GSE1: variants seen among roughly 807,000 people sequenced by gnomAD.
The protein encoded by GSE1 is Gse1 coiled-coil protein, also known as genetic suppressor element 1.
Under a neutral mutation model 112.6 loss-of-function variants are expected in GSE1, and 32 were observed. The observed-to-expected ratio is 0.28, with a 90% confidence interval of 0.21 to 0.38. The LOEUF is 0.38. Among genes scored for constraint, GSE1 ranks in the 10% least tolerant of loss-of-function variants. The pLI is 1.00. For synonymous variants in GSE1, 1,115 were observed against 735.6 expected, an observed-to-expected ratio of 1.52 and a Z score of -8.35; for missense variants, 2,348 against 1,699.2, an observed-to-expected ratio of 1.38 and a Z score of -6.71.
At chr16:85,181,033 A>G (rs1267775251) in intron 1 of GSE1, among the ~76,000 whole-genome samples, 4 of 152,224 alleles carry the variant, frequency 2.6e-5, no homozygotes, top group Non-Finnish European at 5.9e-5. Flanking sequence ...TAGAAAGAAC[A>G]TGTGTTTCAT....
intron 2 of GSE1, among the ~76,000 whole-genome samples, chr16:85,541,507 G>A (rs540514082): frequency 6.6e-6 from 1 of 152,236 alleles, no homozygotes; most frequent in Admixed American, 6.5e-5. Context: ...TGGTGGGAAA[G>A]TCTCACCTGG....
At chr16:85,241,948 C>T (rs144660440) in intron 1 of GSE1, among the ~76,000 whole-genome samples, 1 of 152,034 alleles carries the variant, frequency 6.6e-6, no homozygotes, top group African/African-American at 2.4e-5. Context: ...GCTGGCCCCT[C>T]CGAAGCTGCT....
chr16:85,289,405 G>A (rs559161569), intron 1 of GSE1, among the ~76,000 whole-genome samples: 1 of 152,154 alleles, frequency 6.6e-6, no homozygotes, highest in African/African-American at 2.4e-5. Context: ...TGACACACTC[G>A]TGTCCAGGCC....
intron 2 of GSE1, among the ~76,000 whole-genome samples, chr16:85,420,176 C>T (rs534138257): frequency 1.3e-5 from 2 of 152,196 alleles, no homozygotes; most frequent in African/African-American, 2.4e-5. Flanking sequence ...TGCTTGAAGC[C>T]AGGAGTTCGA....
chr16:85,481,931 C>T (rs16975639), intron 2 of GSE1, among the ~76,000 whole-genome samples: 4,542 of 152,328 alleles, frequency 0.03, 223 homozygotes, highest in African/African-American at 0.1. Flanking sequence ...TCTCAGCCGC[C>T]GACGGACCAT....
intron 1 of GSE1, among the ~76,000 whole-genome samples, chr16:85,353,561 C>T (rs1409959804): frequency 1.3e-5 from 2 of 152,198 alleles, no homozygotes; most frequent in Admixed American, 6.5e-5. Context: ...AAGCCAGAAG[C>T]GATTGCATCC....
At position 85,606,194 on chromosome 16, in the gene GSE1, C is replaced by T. The variant is rs543209636; in HGVS notation, c.38-42358C>T. Among the ~76,000 whole-genome samples the T allele has an allele frequency of 3.9e-5, 6 of 152,294 alleles. No homozygotes were observed. In the East Asian group the frequency reaches 1.2e-3, roughly 29 times the overall value. On this transcript the variant is annotated intron_variant, in intron 1 of 2. Transcript: ENST00000635906. The stretch of plus-strand genomic sequence containing the variant: ...TTATAAAAGCCTGCTAAAATCAGAC[C>T]ACTCCGGAACACATGCTCTCCCGGC...
In GSE1 at chr16:85,637,261, C is replaced by T. The variant is rs146669948; in HGVS notation, c.226+3129C>T. Among the ~76,000 whole-genome samples, 293 of 152,324 alleles carry T rather than the reference C, an allele frequency of 1.9e-3. 8 individuals are homozygous for T. The East Asian group carries it at 0.049, about 26-fold the overall frequency. ...TGGGCATTTTGTACACATGGGCTGGCGCGGTGCGTGTCTGGACCCTGAGCG... is the reference window on the plus strand; with the variant it reads ...TGGGCATTTTGTACACATGGGCTGGTGCGGTGCGTGTCTGGACCCTGAGCG... On this transcript the variant is annotated intron_variant, in intron 2 of 15. Transcript: ENST00000253458.
chr16:85,372,801 G>A (rs2047330885), intron 2 of GSE1, among the ~76,000 whole-genome samples: 2 of 152,100 alleles, frequency 1.3e-5, no homozygotes, highest in South Asian at 2.1e-4. Context: ...ACCCTCGGTG[G>A]GCACCAGTTC....
intron 2 of GSE1, among the ~76,000 whole-genome samples, chr16:85,358,515 G>A (rs118014333): frequency 2.0e-5 from 3 of 152,226 alleles, no homozygotes; most frequent in East Asian, 3.9e-4. Flanking sequence ...AGGGCAGTGG[G>A]TCCAAAGCAC....
At chr16:85,626,041 G>A (rs1297364107) in intron 1 of GSE1, among the ~76,000 whole-genome samples, 1 of 152,130 alleles carries the variant, frequency 6.6e-6, no homozygotes, top group Non-Finnish European at 1.5e-5. Context: ...CTTTGCCTTA[G>A]CCATGAGTGA....
chr16:85,591,195 G>A (rs1301300740), intron 1 of GSE1, among the ~76,000 whole-genome samples: 2 of 152,230 alleles, frequency 1.3e-5, no homozygotes, highest in Non-Finnish European at 2.9e-5. Flanking sequence ...CGGATCCAGA[G>A]AACAGCGCCT....
intron 2 of GSE1, among the ~76,000 whole-genome samples, chr16:85,536,544 G>A (rs928554833): frequency 1.3e-5 from 2 of 152,176 alleles, no homozygotes; most frequent in Admixed American, 6.5e-5. Context: ...CACGGATAAC[G>A]GAGGGCTGGG....
intron 2 of GSE1, among the ~76,000 whole-genome samples, chr16:85,454,004 T>A (rs1334194974): frequency 1.3e-5 from 2 of 152,060 alleles, no homozygotes; most frequent in East Asian, 1.9e-4. Flanking sequence ...TGGGGGCGAT[T>A]CCACCCCCGC....
intron 1 of GSE1, chr16:85,581,914 C>T (rs2046464494): frequency 6.6e-6 from 1 of 152,176 alleles, no homozygotes; most frequent in African/African-American, 2.4e-5. Context: ...CCAGCAAATC[C>T]CAGCCAGAGG....
chr16:85,426,064 T>TGGAA (rs2048974225), intron 2 of GSE1, among the ~76,000 whole-genome samples: 1 of 135,336 alleles, frequency 7.4e-6, no homozygotes, highest in African/African-American at 2.8e-5. Context: ...GATGGATGGA[T>TGGAA]GGATGGATGG....
intron 2 of GSE1, among the ~76,000 whole-genome samples, chr16:85,516,457 C>CAA (rs71151299): frequency 0.064 from 4,417 of 69,244 alleles, 352 homozygotes; most frequent in African/African-American, 0.17. Flanking sequence ...CCCATCTCTA[C>CAA]AAAAAAAAAA....
chr16:85,229,934 C>T (rs529016175), intron 1 of GSE1, among the ~76,000 whole-genome samples: 1 of 152,298 alleles, frequency 6.6e-6, no homozygotes, highest in South Asian at 2.1e-4. Flanking sequence ...GAAAGTGTCT[C>T]CCAGGAGGTT....
chr16:85,492,621 G>T (rs529982518), intron 2 of GSE1, among the ~76,000 whole-genome samples: 5 of 152,344 alleles, frequency 3.3e-5, no homozygotes, highest in Admixed American at 3.3e-4. Flanking sequence ...AGGCTCCACA[G>T]CTCCGAAGTG....
Sources: gnomAD v4.1 joint callset for allele counts (sites outside exome capture counted in the v4.1 genomes callset) on GRCh38, gnomAD v4.1.1 for gene constraint, MANE v1.5 for transcripts, NCBI Gene and HGNC (gene_info 2026-07-23, HGNC 2026-07-21) for gene names.